Variants in PPME1 observed in about 807,000 individuals in gnomAD.
The protein encoded by PPME1 is protein phosphatase methylesterase 1.
In PPME1, 17 loss-of-function variants were observed where a neutral mutation model predicts 56.9. The observed-to-expected ratio is 0.30, with a 90% CI of 0.20 to 0.45. PPME1 has a LOEUF of 0.45. Among genes scored for constraint, PPME1 ranks in the 20% least tolerant of loss-of-function variants. PPME1 has a pLI of 1.00. For synonymous variants in PPME1, 122 were observed against 156.2 expected (o/e 0.78, Z 1.63); for missense variants, 357 against 483.2 (o/e 0.74, Z 2.45).
At chr11:74,171,583 T>C in intron 1 of PPME1, 61 bp downstream of exon 1, 2 of 1,520,364 alleles carry the variant, frequency 1.3e-6, no homozygotes, top group South Asian at 2.5e-5. Flanking sequence ...GAATGGTATC[T>C]CTGGGCGTTC....
intron 11 of PPME1, 88 bp downstream of exon 11, chr11:74,247,211 G>A (rs780999688): frequency 1.4e-5 from 17 of 1,223,994 alleles, no homozygotes; most frequent in African/African-American, 4.6e-5. Context: ...GAGGTATAAC[G>A]GAGAAAGCAT....
intron 1 of PPME1, among the ~76,000 whole-genome samples, chr11:74,185,149 G>A (rs1418494048): frequency 1.3e-5 from 2 of 151,790 alleles, no homozygotes; most frequent in African/African-American, 4.8e-5. Flanking sequence ...ACAGGCACAT[G>A]TCACCACAAC....
intron 3 of PPME1, among the ~76,000 whole-genome samples, chr11:74,218,959 G>A (rs1234185218): frequency 6.6e-6 from 1 of 152,032 alleles, no homozygotes; most frequent in Non-Finnish European, 1.5e-5. Context: ...CCCACAGAAT[G>A]GGAGAAAATA....
intron 13 of PPME1, chr11:74,252,513 C>T: frequency 2.2e-6 from 1 of 456,334 alleles, no homozygotes. Flanking sequence ...CCGAAGCTGG[C>T]AGAATATTAG....
intron 7 of PPME1, among the ~76,000 whole-genome samples, chr11:74,234,014 CA>C (rs1344678504): frequency 6.6e-6 from 1 of 152,110 alleles, no homozygotes; most frequent in African/African-American, 2.4e-5. Flanking sequence ...AGGATGGCAA[CA>C]GAGGAAGAGA....
At chr11:74,179,612 A>G (rs1476328491) in intron 1 of PPME1, among the ~76,000 whole-genome samples, 1 of 152,230 alleles carries the variant, frequency 6.6e-6, no homozygotes, top group Non-Finnish European at 1.5e-5. Context: ...CTTTAATGGT[A>G]CTGTTCAAAA....
At chr11:74,184,348 A>G (rs1857616124) in intron 1 of PPME1, among the ~76,000 whole-genome samples, 1 of 152,236 alleles carries the variant, frequency 6.6e-6, no homozygotes, top group South Asian at 2.1e-4. Context: ...CATATTATGG[A>G]TAAGTAGGCT....
intron 3 of PPME1, among the ~76,000 whole-genome samples, chr11:74,209,872 A>G (rs1420618600): frequency 6.6e-6 from 1 of 152,192 alleles, no homozygotes; most frequent in Non-Finnish European, 1.5e-5. Context: ...CAATGATAAT[A>G]TAGGAAAACT....
At chr11:74,200,396 TGTGTGG>T (rs888050767) in intron 1 of PPME1, among the ~76,000 whole-genome samples, 2 of 145,986 alleles carry the variant, frequency 1.4e-5, no homozygotes, top group African/African-American at 2.6e-5. Context: ...TGTGTGTGTG[TGTGTGG>T]ACGAAGTCTC....
intron 3 of PPME1, among the ~76,000 whole-genome samples, chr11:74,209,930 A>G (rs544278008): frequency 2.0e-5 from 3 of 152,294 alleles, no homozygotes; most frequent in South Asian, 4.1e-4. Flanking sequence ...GCATAGTGGC[A>G]CATAACCTAT....
rs764503229 is a variant in PPME1, at chr11:74,239,117, T to C, written c.711-16T>C. On this transcript the variant is annotated splice_polypyrimidine_tract_variant and intron_variant, in intron 8 of 13. Coordinates refer to ENST00000328257, the MANE Select transcript of PPME1 (RefSeq NM_016147.3). ...TGGAAAGAGGTGTGTAATAGCACTT[T>C]TTTAAAAAAACCTAGGTGTGAAGGA... 6.2e-7 allele frequency: 1 copy of C among 1,607,738 alleles called. No homozygotes were observed. Among genetic ancestry groups the C allele is most frequent in the Non-Finnish European group, 8.5e-7 (1 of 1,177,790 alleles).
chr11:74,226,305 C>T (rs756996369), intron 5 of PPME1, among the ~76,000 whole-genome samples: 1 of 152,130 alleles, frequency 6.6e-6, no homozygotes, highest in Non-Finnish European at 1.5e-5. Flanking sequence ...GAAACTGGCT[C>T]ATATAGGTTG....
At chr11:74,181,525 A>G (rs997450294) in intron 1 of PPME1, among the ~76,000 whole-genome samples, 9 of 152,180 alleles carry the variant, frequency 5.9e-5, no homozygotes, top group African/African-American at 2.2e-4. Context: ...ATCGAAGATA[A>G]TTTTATGCAG....
chr11:74,214,689 A>G (rs552064548), intron 3 of PPME1, among the ~76,000 whole-genome samples: 14 of 130,090 alleles, frequency 1.1e-4, no homozygotes, highest in South Asian at 7.1e-4. Context: ...TGCTGAAGGG[A>G]AAAAAAAAAA....
rs1161278228 is a variant in PPME1 at position 74,223,223 on chromosome 11, G to A, written c.346+854G>A. ...TTTTTTGTGCTTGCGATAGTTTACT[G>A]AGAATGATGATTTCCAATTTCATCC... On this transcript the variant is annotated intron_variant, in intron 4 of 13. Coordinates refer to ENST00000328257, the MANE Select transcript of PPME1 (RefSeq NM_016147.3). Among the ~76,000 whole-genome samples the A allele has an allele frequency of 2.6e-5, 4 of 151,866 alleles. No individual in the cohort carries two copies. In the East Asian group the frequency reaches 5.8e-4, roughly 22 times the overall value.
chr11:74,217,026 T>A (rs1341602219), intron 3 of PPME1, among the ~76,000 whole-genome samples: 1 of 152,120 alleles, frequency 6.6e-6, no homozygotes, highest in African/African-American at 2.4e-5. Flanking sequence ...CACTGCTGAA[T>A]TTTACCAAAC....
At chr11:74,191,885 C>A (rs1370528222) in intron 1 of PPME1, among the ~76,000 whole-genome samples, 3 of 152,172 alleles carry the variant, frequency 2.0e-5, no homozygotes, top group African/African-American at 7.2e-5. Context: ...AGGGCAGAGC[C>A]CCTGCAGAGA....
chr11:74,228,630 C>T (rs1341816276), intron 5 of PPME1, among the ~76,000 whole-genome samples: 2 of 152,180 alleles, frequency 1.3e-5, no homozygotes, highest in African/African-American at 4.8e-5. Context: ...CAAGAATCTG[C>T]AGCTCTTTTT....
rs1024967216 is a variant in PPME1 at position 74,184,517 on chromosome 11, T to G, written c.101+12995T>G. 3.9e-4 allele frequency among the ~76,000 whole-genome samples: 59 copies of G among 152,228 alleles called. 1 individual carries two copies. Among genetic ancestry groups the G allele is most frequent in the African/African-American group, 1.4e-3 (58 of 41,462 alleles). On this transcript the variant is annotated intron_variant, in intron 1 of 13. Transcript: ENST00000328257. ...GGAATTCTAATCTTTTGTGGGTAAT[T>G]AGAGGATTTGTACTTTTGCCTCTTC...
Sources: gnomAD v4.1 joint callset for allele counts (sites outside exome capture counted in the v4.1 genomes callset) on GRCh38, gnomAD v4.1.1 for gene constraint, MANE v1.5 for transcripts, NCBI Gene and HGNC (gene_info 2026-07-23, HGNC 2026-07-21) for gene names.